The following BRD7 variants were observed in gnomAD, a reference collection of about 807,000 sequenced individuals.
BRD7 encodes bromodomain-containing protein 7.
A neutral mutation model predicts 82.1 loss-of-function variants in BRD7; 15 were observed. The observed-to-expected ratio is 0.18, with a 90% CI of 0.12 to 0.28. BRD7 has a LOEUF of 0.28. Among genes scored for constraint, BRD7 ranks in the 10% least tolerant of loss-of-function variants. The pLI is 1.00. For missense variants in BRD7, 638 were observed against 779.9 expected, an observed-to-expected ratio of 0.82 and a Z score of 2.17; for synonymous variants, 232 against 266.9, an observed-to-expected ratio of 0.87 and a Z score of 1.27.
intron 5 of BRD7, among the ~76,000 whole-genome samples, chr16:50,344,956 A>T (rs2038221443): frequency 6.6e-6 from 1 of 152,190 alleles, no homozygotes; most frequent in Admixed American, 6.5e-5. Context: ...ACTCCAAGAC[A>T]CATAATTGTC....
chr16:50,368,379 C>G, intron 1 of BRD7, 81 bp from the exon 2 acceptor site: 3 of 1,450,076 alleles, frequency 2.1e-6, no homozygotes, highest in Non-Finnish European at 2.8e-6. Context: ...ATGCAGAGCG[C>G]CAAGGCGCAG....
In BRD7 at chr16:50,354,378, C is replaced by A. The variant is rs377451162; in HGVS notation, c.446+47G>T. On this transcript the variant is annotated intron_variant, in intron 4 of 16. Coordinates refer to ENST00000394688, the MANE Select transcript of BRD7 (RefSeq NM_013263.5). ...CAAATGTGGTTTGGATCCTACACAT[C>A]TACCATTTTAATTTCTATGTTATAA... 7 of 1,487,126 alleles carry A rather than the reference C, an allele frequency of 4.7e-6. No homozygotes were observed. The African/African-American group carries it at 7.0e-5, about 15-fold the overall frequency. 92.1% of individuals were successfully genotyped at this position (1,487,126 alleles called of 1,614,324 possible).
At chr16:50,341,669 G>A (rs1184615821) in intron 5 of BRD7, among the ~76,000 whole-genome samples, 1 of 146,452 alleles carries the variant, frequency 6.8e-6, no homozygotes, top group Non-Finnish European at 1.5e-5. Context: ...AATTAAATAT[G>A]TATTTGGGGG....
Position 50,368,769 on chromosome 16 carries a change from G to A in BRD7, c.6C>T (p.Gly2=). M[G]KKHKKHKSDK... ...CCGACTTGTGCTTCTTGTGCTTCTT[G>A]CCCATGTCCGACCGGGCCCCGGTGC... The change falls in exon 1 of 17, where the codon GGC becomes GGT. Residue 2 remains glycine (G), a synonymous_variant. Transcript: ENST00000394688. The A allele has an allele frequency of 2.6e-6, 4 of 1,542,518 alleles. No individual in the cohort carries two copies. In the South Asian group the frequency reaches 3.5e-5, roughly 13 times the overall value.
intron 9 of BRD7, among the ~76,000 whole-genome samples, chr16:50,328,339 G>A (rs573032826): frequency 8.5e-5 from 13 of 152,300 alleles, no homozygotes; most frequent in East Asian, 1.9e-4. Context: ...CTGTGTGTAT[G>A]AGATACCTCT....
rs1266505573 is a variant in BRD7, at chr16:50,320,308, T to A, written c.1696A>T (p.Thr566Ser). The A allele has an allele frequency of 6.2e-7, 1 of 1,614,214 alleles. No homozygotes were observed. Among genetic ancestry groups the A allele is most frequent in the Non-Finnish European group, 8.5e-7 (1 of 1,180,044 alleles). Residue 566 changes from threonine (T) to serine (S), a missense_variant, in exon 15 of 17, where the codon ACC becomes TCC. Thr to Ser is a moderately conservative substitution (Grantham distance 58). Transcript: ENST00000394688. ...CAGATCATGTTCGGAGGGGGTCTGG[T>A]GCTCAAACGTTCATTCTGGGCTTCC... ...LQEAQNERLS[T>S]RPPPNMICLL...
chr16:50,320,015 T>G lies in BRD7; in HGVS notation c.1772A>C (p.Asn591Thr). 6.2e-7 allele frequency: 1 copy of G among 1,609,198 alleles called. No individual in the cohort carries two copies. The highest frequency in any genetic ancestry group is 8.5e-7 in the Non-Finnish European group (1 of 1,178,378). ...TTGCTGTGCAAGTTCTTTAAGATTATTGGTCACTTGTTCAGCTAAAAAGAA... is the reference window on the plus strand; with the variant it reads ...TTGCTGTGCAAGTTCTTTAAGATTAGTGGTCACTTGTTCAGCTAAAAAGAA... ...REMHLAEQVT[N>T]NLKELAQQVT... Residue 591 changes from asparagine to threonine, a missense_variant, in exon 16 of 17, where the codon AAT becomes ACT. This residue lies in a region of BRD7 where 402 missense variants were observed against 500.8 expected (regional missense o/e 0.80). Transcript: ENST00000394688.
rs150470622 is a variant in BRD7 at position 50,323,212 on chromosome 16, G to A, written c.1443+375C>T. Among the ~76,000 whole-genome samples, 223 of 152,280 alleles carry A rather than the reference G, an allele frequency of 1.5e-3. 2 individuals are homozygous for A. Among genetic ancestry groups the A allele is most frequent in the African/African-American group, 5.1e-3 (213 of 41,558 alleles). ...TACTTTTTAACTTGAGGTTCCTCCC[G>A]ATGTGCTATTACTGCACGAGGAAAA... On this transcript the variant is annotated intron_variant, in intron 12 of 16. Transcript: ENST00000394688.
chr16:50,367,737 T>C (rs2039200954), intron 2 of BRD7, among the ~76,000 whole-genome samples: 1 of 152,232 alleles, frequency 6.6e-6, no homozygotes, highest in Non-Finnish European at 1.5e-5. Flanking sequence ...CCCCAGTAGA[T>C]CCCACTCGCT....
chr16:50,319,645 A>G (rs981982226), intron 16 of BRD7, among the ~76,000 whole-genome samples: 3 of 152,248 alleles, frequency 2.0e-5, no homozygotes, highest in African/African-American at 7.2e-5. Flanking sequence ...AATATAAAAA[A>G]TACAGTCTAT....
intron 2 of BRD7, among the ~76,000 whole-genome samples, chr16:50,364,542 G>A (rs1459234916): frequency 2.0e-5 from 3 of 152,204 alleles, no homozygotes; most frequent in Non-Finnish European, 2.9e-5. Context: ...TATTCTGAGA[G>A]GTGTGTCCAG....
At chr16:50,363,377 C>A (rs977938236) in intron 2 of BRD7, among the ~76,000 whole-genome samples, 5 of 152,166 alleles carry the variant, frequency 3.3e-5, no homozygotes, top group Non-Finnish European at 4.4e-5. Context: ...CAGGCAAATT[C>A]TTTATCAACT....
chr16:50,332,203 C>T (rs192301940), intron 8 of BRD7, among the ~76,000 whole-genome samples: 10 of 152,172 alleles, frequency 6.6e-5, no homozygotes, highest in African/African-American at 2.2e-4. Flanking sequence ...AGAAACATCC[C>T]GCAGAACGGG....
At chr16:50,348,442 A>C (rs1025032526) in intron 5 of BRD7, among the ~76,000 whole-genome samples, 10 of 152,218 alleles carry the variant, frequency 6.6e-5, no homozygotes, top group African/African-American at 2.2e-4. Flanking sequence ...GCTTCTGCAC[A>C]GCAAAAGAAA....
rs1221473386 is a variant in BRD7, at chr16:50,320,466, C to CTAAT, written c.1613-79_1613-76dup. ...CCGAATCCTAGGCTCTAGGGCTTTGCTAATTATTGGTTAGCCTTCTCCCTT... is the reference window on the plus strand; with the variant it reads ...CCGAATCCTAGGCTCTAGGGCTTTGCTAATTAATTATTGGTTAGCCTTCTCCCTT... On this transcript the variant is annotated intron_variant, in intron 14 of 16. Transcript: ENST00000394688. The CTAAT allele has an allele frequency of 2.6e-6, 4 of 1,560,068 alleles. No homozygotes were observed. In the African/African-American group the frequency reaches 5.5e-5, roughly 21 times the overall value.
chr16:50,363,647 G>A (rs996406327), intron 2 of BRD7, among the ~76,000 whole-genome samples: 1 of 90,272 alleles, frequency 1.1e-5, no homozygotes, highest in African/African-American at 3.8e-5. Context: ...GTGTTTGTGT[G>A]TGTGTGTGTG....
At chr16:50,355,032 A>G (rs1258715968) in intron 2 of BRD7, 110 bp from the exon 3 acceptor site, 15 of 1,331,438 alleles carry the variant, frequency 1.1e-5, no homozygotes, top group South Asian at 1.5e-5. Context: ...AATATTCTTA[A>G]TAACAAGCTC....
In BRD7 at chr16:50,338,949, A is replaced by C. The variant is rs148041721; in HGVS notation, c.702+1027T>G. Among the ~76,000 whole-genome samples the C allele has an allele frequency of 3.8e-3, 582 of 152,338 alleles. 5 individuals are homozygous for C. Among genetic ancestry groups the C allele is most frequent in the African/African-American group, 0.013 (534 of 41,584 alleles). On this transcript the variant is annotated intron_variant, in intron 6 of 16. Transcript: ENST00000394688. ...CTCAGAGTGGTGAGAAAAACCTCAA[A>C]AGATATGGCTTATCTTGCGAGTTAT...
At chr16:50,365,023 G>A (rs2039085516) in intron 2 of BRD7, among the ~76,000 whole-genome samples, 1 of 152,172 alleles carries the variant, frequency 6.6e-6, no homozygotes, top group Admixed American at 6.5e-5. Flanking sequence ...GGCAAATGGG[G>A]TGATTTGCAG....
Sources: gnomAD v4.1 joint callset for allele counts (sites outside exome capture counted in the v4.1 genomes callset) on GRCh38, gnomAD v4.1.1 for gene constraint, gnomAD v4.1.1 regional missense constraint, MANE v1.5 for transcripts, NCBI Gene and HGNC (gene_info 2026-07-23, HGNC 2026-07-21) for gene names.